GRM1: variants seen among roughly 807,000 people sequenced by gnomAD.
GRM1 encodes glutamate metabotropic receptor 1.
GRM1 carries 33 observed loss-of-function variants against 90.9 expected under a neutral mutation model. The observed-to-expected ratio is 0.36, with a 90% CI of 0.28 to 0.49. GRM1 has a LOEUF of 0.49. Among genes scored for constraint, GRM1 ranks in the 20% least tolerant of loss-of-function variants. The pLI is 0.99. For synonymous variants in GRM1, 700 were observed against 613.2 expected, an observed-to-expected ratio of 1.14 and a Z score of -2.09; for missense variants, 1,190 against 1,534.3, an observed-to-expected ratio of 0.78 and a Z score of 3.75.
At chr6:146,240,433 C>A (rs1017829327) in intron 2 of GRM1, among the ~76,000 whole-genome samples, 1 of 151,092 alleles carries the variant, frequency 6.6e-6, no homozygotes, top group African/African-American at 2.4e-5. Flanking sequence ...TTACTGGAAA[C>A]TGGTACTATC....
At chr6:146,169,931 G>A (rs1221628071) in intron 2 of GRM1, among the ~76,000 whole-genome samples, 2 of 152,154 alleles carry the variant, frequency 1.3e-5, no homozygotes, top group African/African-American at 4.8e-5. Flanking sequence ...CTATCTTAGT[G>A]AGCATAAAAT....
intron 2 of GRM1, among the ~76,000 whole-genome samples, chr6:146,229,076 T>C (rs1340734535): frequency 6.6e-6 from 1 of 152,152 alleles, no homozygotes; most frequent in Non-Finnish European, 1.5e-5. Context: ...GGAGGAAATA[T>C]GCTTTAGTAG....
intron 7 of GRM1, among the ~76,000 whole-genome samples, chr6:146,406,232 C>G (rs554032586): frequency 3.6e-4 from 55 of 152,254 alleles, no homozygotes; most frequent in Admixed American, 3.3e-3. Flanking sequence ...AGAACTATGA[C>G]AATGAAGCAC....
chr6:146,029,126 T>C lies in GRM1; in HGVS notation c.-392T>C. ...AAACGGACAAGGCAACTGTTAACAT[T>C]ATAGACCCCAGAGTTTTAACACAGG... On this transcript the variant is annotated 5_prime_UTR_variant, in exon 1 of 8. Coordinates refer to ENST00000282753, the MANE Select transcript of GRM1 (RefSeq NM_001278064.2). The C allele has an allele frequency of 3.1e-6, 1 of 322,656 alleles. No individual in the cohort carries two copies. Among genetic ancestry groups the C allele is most frequent in the South Asian group, 2.8e-5 (1 of 35,720 alleles). 20.0% of individuals were successfully genotyped at this position (322,656 alleles called of 1,614,324 possible).
At chr6:146,236,048 G>T (rs917509916) in intron 2 of GRM1, among the ~76,000 whole-genome samples, 1 of 151,974 alleles carries the variant, frequency 6.6e-6, no homozygotes, top group Non-Finnish European at 1.5e-5. Flanking sequence ...TTGTTTTTAG[G>T]CAGGCCTTTA....
intron 2 of GRM1, among the ~76,000 whole-genome samples, chr6:146,185,597 G>T (rs562704734): frequency 1.6e-4 from 24 of 152,288 alleles, no homozygotes; most frequent in African/African-American, 5.8e-4. Flanking sequence ...GACAGCTTAA[G>T]GATTAATTTA....
At chr6:146,422,325 T>A (rs554192450) in intron 7 of GRM1, among the ~76,000 whole-genome samples, 1 of 152,278 alleles carries the variant, frequency 6.6e-6, no homozygotes, top group Non-Finnish European at 1.5e-5. Flanking sequence ...TTGACATTCT[T>A]GAGTAAGGAA....
intron 2 of GRM1, among the ~76,000 whole-genome samples, chr6:146,279,994 G>A (rs958098228): frequency 4.6e-5 from 7 of 151,984 alleles, no homozygotes; most frequent in Admixed American, 2.6e-4. Flanking sequence ...TATTTATCCT[G>A]CTAGGATTTT....
At chr6:146,299,808 T>A (rs1383536045) in intron 2 of GRM1, among the ~76,000 whole-genome samples, 3 of 152,144 alleles carry the variant, frequency 2.0e-5, no homozygotes, top group Non-Finnish European at 4.4e-5. Context: ...GACTTCCAGC[T>A]CCTTTTTCTC....
intron 2 of GRM1, among the ~76,000 whole-genome samples, chr6:146,223,425 G>A (rs959348710): frequency 2.8e-4 from 43 of 151,966 alleles, no homozygotes; most frequent in Admixed American, 1.2e-3. Flanking sequence ...TTAGATTGAG[G>A]TAGGGTAGAC....
At position 146,434,423 on chromosome 6, in the gene GRM1, C is replaced by G. The variant is rs149072960; in HGVS notation, c.3212C>G (p.Pro1071Arg). The change falls in exon 8 of 8, where the codon CCT (proline) becomes CGT (arginine). Residue 1071 changes from proline (P) to arginine (R), a missense_variant. Transcript: ENST00000282753. Reference protein sequence around the residue: ...GLRSLYPPPPPPQHLQMLPLQ... With the variant: ...GLRSLYPPPPRPQHLQMLPLQ... ...CGGTCCCTGTACCCGCCCCCGCCAC[C>G]TCCGCAGCACCTGCAGATGCTGCCG... The G allele has an allele frequency of 1.8e-5, 29 of 1,613,684 alleles. No individual in the cohort carries two copies. In the African/African-American group the frequency reaches 3.3e-4, roughly 19 times the overall value.
At chr6:146,150,678 AT>A (rs1325225449) in intron 1 of GRM1, among the ~76,000 whole-genome samples, 1 of 152,062 alleles carries the variant, frequency 6.6e-6, no homozygotes, top group African/African-American at 2.4e-5. Flanking sequence ...GTATTTTTGT[AT>A]TCATTAACCA....
Position 146,352,399 on chromosome 6 carries a change from G to T in GRM1, c.1336G>T (p.Asp446Tyr). 6.2e-7 allele frequency: 1 copy of T among 1,614,084 alleles called. No individual in the cohort carries two copies. The highest frequency in any genetic ancestry group is 1.1e-5 in the South Asian group (1 of 91,068). The part of the protein sequence containing the change: ...VGLCDAMKPI[D>Y]GSKLLDFLIK... ...CCTCTGCGATGCCATGAAGCCCATC[G>T]ACGGCAGCAAGCTGCTGGACTTCCT... is the stretch of plus-strand genomic sequence containing the variant. The change falls in exon 4 of 8, where the codon GAC becomes TAC. Residue 446 changes from aspartate to tyrosine, a missense_variant. Around this residue, in one of 10 missense-constraint regions of GRM1, gnomAD observed 414 missense variants for 598.4 expected, o/e 0.69. Transcript: ENST00000282753.
chr6:146,195,925 G>A (rs984367788), intron 2 of GRM1, among the ~76,000 whole-genome samples: 10 of 152,210 alleles, frequency 6.6e-5, no homozygotes, highest in Admixed American at 2.6e-4. Context: ...GGTACTGAGA[G>A]AGAGATAGCT....
At chr6:146,067,912 A>T (rs1187697361) in intron 1 of GRM1, among the ~76,000 whole-genome samples, 2 of 152,204 alleles carry the variant, frequency 1.3e-5, no homozygotes, top group Non-Finnish European at 2.9e-5. Context: ...TAGAGAAAAT[A>T]ATCTGGCTTT....
At chr6:146,322,838 G>A (rs1401285524) in intron 3 of GRM1, among the ~76,000 whole-genome samples, 2 of 151,920 alleles carry the variant, frequency 1.3e-5, no homozygotes, top group Non-Finnish European at 2.9e-5. Flanking sequence ...CCACCTATGA[G>A]TGAGAACATG....
At position 146,304,187 on chromosome 6, in the gene GRM1, C is replaced by A. The variant is rs558989455; in HGVS notation, c.951-424C>A. ...TATGTAAGGTAGCTCATGTAATGAT[C>A]TTCGTTGCAATGCTGAAACCTTGTT... is the stretch of plus-strand genomic sequence containing the variant. On this transcript the variant is annotated intron_variant, in intron 2 of 7. Coordinates refer to ENST00000282753, the MANE Select transcript of GRM1 (RefSeq NM_001278064.2). 6.6e-5 allele frequency among the ~76,000 whole-genome samples: 10 copies of A among 152,194 alleles called. No homozygotes were observed. In the East Asian group the frequency reaches 1.7e-3, roughly 26 times the overall value.
intron 1 of GRM1, among the ~76,000 whole-genome samples, chr6:146,061,515 TA>T: frequency 6.6e-6 from 1 of 152,142 alleles, no homozygotes; most frequent in African/African-American, 2.4e-5. Context: ...GAAACTATCA[TA>T]AGAGTAAACA....
chr6:146,118,904 T>C (rs887638359), intron 1 of GRM1, among the ~76,000 whole-genome samples: 1 of 152,242 alleles, frequency 6.6e-6, no homozygotes, highest in South Asian at 2.1e-4. Context: ...TAAACATACA[T>C]GTGCATGTGA....
Sources: allele counts gnomAD v4.1 joint callset (sites outside exome capture counted in the v4.1 genomes callset), GRCh38; gene constraint gnomAD v4.1.1; regional missense constraint gnomAD v4.1.1; transcripts MANE v1.5; gene names NCBI Gene and HGNC (gene_info 2026-07-23, HGNC 2026-07-21).